ZNF441: variants seen among roughly 807,000 people sequenced by gnomAD.
ZNF441 encodes the protein zinc finger protein 441.
ZNF441 carries 25 observed loss-of-function variants against 64.5 expected under a neutral mutation model. The ratio of observed to expected loss-of-function variants is 0.39; its 90% CI spans 0.28 to 0.54. The LOEUF (loss-of-function observed/expected upper bound fraction) is 0.54, where lower values mean the gene tolerates loss of function less well. ZNF441 is among the 20% of genes least tolerant of loss of function. The pLI, the probability that ZNF441 is intolerant of heterozygous loss-of-function variation, is 0.70. For missense variants in ZNF441, 715 were observed against 843.3 expected (o/e 0.85, Z 1.88); for synonymous variants, 262 against 268.0 (o/e 0.98, Z 0.22).
In ZNF441 at chr19:11,781,869, G is replaced by T. The variant is rs534955844; in HGVS notation, c.2045G>T (p.Cys682Phe). Residue 682 changes from cysteine to phenylalanine, a missense_variant, in exon 4 of 4, where the codon TGT (cysteine) becomes TTT (phenylalanine). Physicochemically the swap from Cys to Phe is radical, Grantham distance 205. Coordinates refer to ENST00000357901, the MANE Select transcript of ZNF441 (RefSeq NM_152355.3). ...KCKECGEAFH[C>F]ISSFHKHEMT... ...AAAGAATGTGGGGAAGCATTTCATT[G>T]TATCAGTTCCTTTCATAAACATGAA... 1.2e-5 allele frequency: 19 copies of T among 1,600,688 alleles called. No individual in the cohort carries two copies. The African/African-American group carries it at 2.2e-4, about 18-fold the overall frequency.
chr19:11,770,687 C>T (rs1239599076), intron 1 of ZNF441, among the ~76,000 whole-genome samples: 1 of 152,100 alleles, frequency 6.6e-6, no homozygotes, highest in Non-Finnish European at 1.5e-5. Context: ...CCCACCTCAG[C>T]CTCCTGAGTG....
Position 11,781,594 on chromosome 19 carries a change from GAT to G in ZNF441, c.1773_1774del (p.Ile591MetfsTer6), listed in dbSNP as rs1568482203. The G allele has an allele frequency of 6.2e-7, 1 of 1,613,896 alleles. No homozygotes were observed. Among genetic ancestry groups the G allele is most frequent in the East Asian group, 2.2e-5 (1 of 44,852 alleles). ...HTGNGPHKCK[I>X]CGKGFDYPSS... ...CTGGAAATGGACCTCATAAATGTAA[GAT>G]ATGTGGGAAAGGCTTTGATTATCCC... On this transcript the variant is annotated frameshift_variant, in exon 4 of 4. Transcript: ENST00000357901. LOFTEE classifies it high-confidence loss of function.
At chr19:11,777,134 G>GA (rs1975361547) in intron 1 of ZNF441, among the ~76,000 whole-genome samples, 1 of 152,082 alleles carries the variant, frequency 6.6e-6, no homozygotes, top group Admixed American at 6.6e-5. Flanking sequence ...TCATGGCTTA[G>GA]TCTGTTTTTT....
chr19:11,779,332 A>AG (rs1032563738), intron 3 of ZNF441, among the ~76,000 whole-genome samples: 20 of 150,448 alleles, frequency 1.3e-4, no homozygotes, highest in Non-Finnish European at 2.4e-4. Flanking sequence ...AAAAAAAAAA[A>AG]AAAAAGAAAA....
At chr19:11,769,779 G>T (rs1351556726) in intron 1 of ZNF441, among the ~76,000 whole-genome samples, 1 of 152,002 alleles carries the variant, frequency 6.6e-6, no homozygotes, top group African/African-American at 2.4e-5. Flanking sequence ...GGGTTCAAGT[G>T]ATTCTCCTGC....
At chr19:11,776,574 C>G (rs931167498) in intron 1 of ZNF441, among the ~76,000 whole-genome samples, 9 of 152,168 alleles carry the variant, frequency 5.9e-5, no homozygotes, top group Non-Finnish European at 1.2e-4. Flanking sequence ...TTTCTAAGAA[C>G]ATATGCAATC....
Position 11,781,455 on chromosome 19 carries a change from G to C in ZNF441, c.1631G>C (p.Ser544Thr), listed in dbSNP as rs1481274544. 6.2e-7 allele frequency: 1 copy of C among 1,613,026 alleles called. No homozygotes were observed. Among genetic ancestry groups the C allele is most frequent in the Non-Finnish European group, 8.5e-7 (1 of 1,179,724 alleles). Reference protein sequence around the residue: ...KLCGKGFRSSSYIQLHERTHT... With the variant: ...KLCGKGFRSSTYIQLHERTHT... ...TGTGGGAAAGGCTTCAGGTCTTCCA[G>C]TTACATTCAACTACATGAAAGGACT... Residue 544 changes from serine to threonine, a missense_variant, in exon 4 of 4, where the codon AGT becomes ACT. Around this residue, in one of 2 missense-constraint regions of ZNF441, gnomAD observed 316 missense variants for 429.3 expected, o/e 0.74. Transcript: ENST00000357901.
Position 11,781,118 on chromosome 19 carries a change from A to G in ZNF441, c.1294A>G (p.Thr432Ala). The G allele has an allele frequency of 1.9e-6, 3 of 1,613,982 alleles. No homozygotes were observed. The South Asian group carries it at 3.3e-5, about 18-fold the overall frequency. ...KQCGKAFICC[T>A]YLQIHERIHT... ...ATGTGGAAAAGCCTTCATTTGTTGC[A>G]CTTACCTTCAAATACATGAAAGAAT... The change falls in exon 4 of 4, where the codon ACT becomes GCT. Residue 432 changes from threonine (T) to alanine (A), a missense_variant. Physicochemically the swap from Thr to Ala is moderately conservative, Grantham distance 58. Around this residue, in one of 2 missense-constraint regions of ZNF441, gnomAD observed 316 missense variants for 429.3 expected, o/e 0.74. Coordinates refer to ENST00000357901, the MANE Select transcript of ZNF441 (RefSeq NM_152355.3).
rs952678165 is a variant in ZNF441, at chr19:11,783,580, C to T, written c.*1674C>T. The T allele has an allele frequency of 6.6e-6, 1 of 152,136 alleles. No homozygotes were observed. The highest frequency in any genetic ancestry group is 2.4e-5 in the African/African-American group (1 of 41,422). 9.4% of individuals were successfully genotyped at this position (152,136 alleles called of 1,614,324 possible). ...AAATGTTTATGTACACAGTGGAATA[C>T]TATTTGGCCATAAAAAAGAGTAAAA... is the stretch of plus-strand genomic sequence containing the variant. On this transcript the variant is annotated 3_prime_UTR_variant, in exon 4 of 4. Transcript: ENST00000357901.
intron 1 of ZNF441, 106 bp from the exon 2 acceptor site, chr19:11,777,505 A>G (rs1004059747): frequency 3.7e-5 from 49 of 1,336,688 alleles, no homozygotes; most frequent in Non-Finnish European, 4.6e-5. Context: ...ATGTTCTTGA[A>G]TAAATGCTTG....
intron 1 of ZNF441, among the ~76,000 whole-genome samples, chr19:11,772,816 C>T (rs1975325077): frequency 6.6e-6 from 1 of 152,046 alleles, no homozygotes; most frequent in African/African-American, 2.4e-5. Context: ...TCACTTGATC[C>T]CAGGAAGTAG....
chr19:11,778,760 A>G (rs1230237624), intron 3 of ZNF441, among the ~76,000 whole-genome samples: 2 of 152,228 alleles, frequency 1.3e-5, no homozygotes, highest in Non-Finnish European at 2.9e-5. Context: ...GACCAGCCCA[A>G]AATTTTAAAA....
In ZNF441 at chr19:11,767,282, T is replaced by G. The variant is rs1975277933; in HGVS notation, c.3+86T>G. On this transcript the variant is annotated intron_variant, in intron 1 of 3. Coordinates refer to ENST00000357901, the MANE Select transcript of ZNF441 (RefSeq NM_152355.3). The surrounding 1 kb of genome is among the most constrained non-coding windows in gnomAD (Gnocchi z 5.1). ...GAACCGGCTGTGGTGGCACCAGGTC[T>G]TCCCCGCCGGCGACACCCTGGCGCA... The G allele has an allele frequency of 3.3e-6, 5 of 1,537,724 alleles. No individual in the cohort carries two copies. Among genetic ancestry groups the G allele is most frequent in the Middle Eastern group, 1.7e-4 (1 of 5,960 alleles).
chr19:11,780,019 A>C lies in ZNF441; in HGVS notation c.195A>C (p.Arg65Ser), dbSNP rs1415468286. The stretch of plus-strand genomic sequence containing the variant: ...CTAATGTACTTCTTATTTTTTACAG[A>C]TGTCATATGGTAGAGAGAGCCTGTG... ...DQYKDLRRNL[R>S]CHMVERACEI... The change falls in exon 4 of 4, where the codon AGA becomes AGC. Residue 65 changes from arginine to serine, a missense_variant and splice_region_variant. Around this residue, in one of 2 missense-constraint regions of ZNF441, gnomAD observed 399 missense variants for 413.9 expected, o/e 0.96. Transcript: ENST00000357901. 6.3e-7 allele frequency: 1 copy of C among 1,594,356 alleles called. No individual in the cohort carries two copies. The highest frequency in any genetic ancestry group is 2.2e-5 in the East Asian group (1 of 44,556).
intron 1 of ZNF441, among the ~76,000 whole-genome samples, chr19:11,769,866 G>T (rs1392037165): frequency 6.6e-6 from 1 of 151,992 alleles, no homozygotes; most frequent in Non-Finnish European, 1.5e-5. Context: ...AGTAGAGACG[G>T]TGTTTCACCA....
intron 1 of ZNF441, among the ~76,000 whole-genome samples, chr19:11,772,446 G>T (rs1275050986): frequency 6.6e-6 from 1 of 152,186 alleles, no homozygotes; most frequent in Non-Finnish European, 1.5e-5. Flanking sequence ...TGGCTCACAT[G>T]TGTAATCCCA....
intron 2 of ZNF441, 36 bp downstream of exon 2, chr19:11,777,773 G>A: frequency 6.3e-7 from 1 of 1,585,990 alleles, no homozygotes; most frequent in Admixed American, 1.9e-5. Context: ...TAGTCAATTA[G>A]AGACATTTGT....
At position 11,781,791 on chromosome 19, in the gene ZNF441, G is replaced by C. The variant is rs1191278613; in HGVS notation, c.1967G>C (p.Ser656Thr). 1 of 1,614,038 alleles carries C rather than the reference G, an allele frequency of 6.2e-7. No homozygotes were observed. Among genetic ancestry groups the C allele is most frequent in the Admixed American group, 1.7e-5 (1 of 60,012 alleles). The change falls in exon 4 of 4, where the codon AGT (serine) becomes ACT (threonine). Residue 656 changes from serine (S) to threonine (T), a missense_variant. By Grantham distance (58) the Ser-to-Thr change is moderately conservative (BLOSUM62 1). Transcript: ENST00000357901. ...KECGKPFHCP[S>T]AFHKHERTHS... ...TGTGGGAAACCATTCCATTGTCCCA[G>C]TGCCTTTCATAAACATGAAAGGACC...
rs368799204 is a variant in ZNF441 at position 11,767,061 on chromosome 19, C to T, written c.-133C>T. ...TTCAAAGAGCCCGCCGAGTCTTCTC[C>T]ACGCCCCTGCACTGGGCTCCGGGTT... On this transcript the variant is annotated 5_prime_UTR_variant, in exon 1 of 4. Coordinates refer to ENST00000357901, the MANE Select transcript of ZNF441 (RefSeq NM_152355.3). The surrounding 1 kb of genome is among the most constrained non-coding windows in gnomAD (Gnocchi z 5.1). 2.4e-5 allele frequency: 33 copies of T among 1,372,408 alleles called. No homozygotes were observed. The highest frequency in any genetic ancestry group is 2.2e-4 in the South Asian group (17 of 76,618). 85.0% of individuals were successfully genotyped at this position (1,372,408 alleles called of 1,614,324 possible). A position where few individuals can be genotyped will look rare whatever the true frequency, so the allele number is the denominator to read the frequency against.
Sources: allele counts gnomAD v4.1 joint callset (sites outside exome capture counted in the v4.1 genomes callset), GRCh38; gene constraint gnomAD v4.1.1; regional missense constraint gnomAD v4.1.1; non-coding constraint Gnocchi (gnomAD v3.1); transcripts MANE v1.5; gene names NCBI Gene and HGNC (gene_info 2026-07-23, HGNC 2026-07-21).